Variants in SV2B observed in about 807,000 individuals in gnomAD.
The protein encoded by SV2B is solute carrier family 22 member B2.
A neutral mutation model predicts 73.9 loss-of-function variants in SV2B; 41 were observed. The observed-to-expected ratio is 0.56, with a 90% confidence interval of 0.43 to 0.72. SV2B has a LOEUF of 0.72. SV2B is among the 30% of genes least tolerant of loss of function. The pLI is 0.00. For missense variants in SV2B, 764 were observed against 857.8 expected (o/e 0.89, Z 1.37); for synonymous variants, 314 against 314.2 (o/e 1.00, Z 0.01).
At chr15:91,210,098 C>T (rs192831792) in intron 1 of SV2B, among the ~76,000 whole-genome samples, 1 of 151,850 alleles carries the variant, frequency 6.6e-6, no homozygotes, top group Admixed American at 6.6e-5. Flanking sequence ...CACCCGGGGG[C>T]TGAGTCTATG....
chr15:91,143,337 T>C (rs936101184), intron 1 of SV2B, among the ~76,000 whole-genome samples: 1 of 152,198 alleles, frequency 6.6e-6, no homozygotes, highest in East Asian at 1.9e-4. Flanking sequence ...CCCCAGTTGA[T>C]TGTCATGCAC....
At chr15:91,153,334 C>G (rs1039730980) in intron 1 of SV2B, among the ~76,000 whole-genome samples, 1 of 152,134 alleles carries the variant, frequency 6.6e-6, no homozygotes, top group South Asian at 2.1e-4. Flanking sequence ...CTGGTGCCAG[C>G]GTCACTGTGT....
intron 2 of SV2B, among the ~76,000 whole-genome samples, chr15:91,246,435 C>T (rs1301668636): frequency 5.9e-5 from 9 of 152,052 alleles, no homozygotes; most frequent in Admixed American, 5.9e-4. Context: ...AAATCCACTC[C>T]CCTATATAAT....
intron 1 of SV2B, among the ~76,000 whole-genome samples, chr15:91,205,565 C>G (rs1453216645): frequency 1.3e-5 from 2 of 151,934 alleles, no homozygotes; most frequent in African/African-American, 2.4e-5. Context: ...GGGGTTTCAT[C>G]ATGTTGGCCA....
chr15:91,278,650 G>A (rs1483385488), intron 9 of SV2B, among the ~76,000 whole-genome samples: 4 of 79,140 alleles, frequency 5.1e-5, no homozygotes, highest in East Asian at 4.4e-4. Context: ...CTGCAGTCCG[G>A]CCTGGGCGAC....
At position 91,107,134 on chromosome 15, in the gene SV2B, A is replaced by G. The variant is rs552544487; in HGVS notation, c.-392+6771A>G. On this transcript the variant is annotated intron_variant, in intron 1 of 12. Transcript: ENST00000394232. ...ATGGAGAATGTGCCAGTGGCGGAGAAAAAGAACCAAATCCCAGAAGGAAGT... is the reference window on the plus strand; with the variant it reads ...ATGGAGAATGTGCCAGTGGCGGAGAGAAAGAACCAAATCCCAGAAGGAAGT... Among the ~76,000 whole-genome samples, 16 of 152,034 alleles carry G rather than the reference A, an allele frequency of 1.1e-4. No homozygotes were observed. In the East Asian group the frequency reaches 2.3e-3, roughly 22 times the overall value.
intron 9 of SV2B, among the ~76,000 whole-genome samples, chr15:91,272,832 T>C (rs1055561454): frequency 1.1e-5 from 1 of 88,254 alleles, no homozygotes; most frequent in African/African-American, 6.2e-5. Flanking sequence ...ATTCGTCTTT[T>C]TTTTTTTTTT....
rs567672315 is a variant in SV2B at position 91,129,528 on chromosome 15, G to C, written c.-392+29165G>C. On this transcript the variant is annotated intron_variant, in intron 1 of 12. Transcript: ENST00000394232. The surrounding 1 kb of genome is among the most constrained non-coding windows in gnomAD (Gnocchi z 5.1). ...AGTATGGCCCTAGTGCATGGATGAA[G>C]CTGCAAGGGTGGACAGAACCAAAAC... Among the ~76,000 whole-genome samples, 15 of 152,286 alleles carry C rather than the reference G, an allele frequency of 9.8e-5. No homozygotes were observed. The highest frequency in any genetic ancestry group is 3.6e-4 in the African/African-American group (15 of 41,572).
chr15:91,163,163 T>C (rs1201797176), intron 1 of SV2B, among the ~76,000 whole-genome samples: 1 of 152,240 alleles, frequency 6.6e-6, no homozygotes, highest in East Asian at 1.9e-4. Flanking sequence ...CATTCTATCA[T>C]TGATGGACAT....
rs2049114165 is a variant in SV2B, at chr15:91,293,425, T to C, written c.*873T>C. 6.6e-6 allele frequency: 1 copy of C among 152,186 alleles called. No individual in the cohort carries two copies. The highest frequency in any genetic ancestry group is 1.5e-5 in the Non-Finnish European group (1 of 68,042). The allele number at this position is 152,186 out of a possible 1,614,324, so 9.4% of individuals were successfully genotyped here. ...GCCATTTAACTTTCTGTTGGGAGGA[T>C]GAATTAACAAACTCACATTGTGCAG... On this transcript the variant is annotated 3_prime_UTR_variant, in exon 13 of 13. Transcript: ENST00000394232.
intron 2 of SV2B, among the ~76,000 whole-genome samples, chr15:91,250,240 A>T (rs1051756141): frequency 4.0e-5 from 6 of 151,536 alleles, no homozygotes; most frequent in Non-Finnish European, 5.9e-5. Flanking sequence ...GATACACCAC[A>T]TTAACATAAT....
rs976713260 is a variant in SV2B, at chr15:91,128,275, G to C, written c.-392+27912G>C. Among the ~76,000 whole-genome samples the C allele has an allele frequency of 2.0e-5, 3 of 152,200 alleles. No homozygotes were observed. Among genetic ancestry groups the C allele is most frequent in the African/African-American group, 7.2e-5 (3 of 41,440 alleles). ...TGTTCTCCAAGAAGGTGGGATGGGA[G>C]AGCAGGAGGAGGTGTCAGAATGTAA... On this transcript the variant is annotated intron_variant, in intron 1 of 12. Coordinates refer to ENST00000394232, the MANE Select transcript of SV2B (RefSeq NM_001323032.3). The surrounding 1 kb of genome is among the most constrained non-coding windows in gnomAD (Gnocchi z 4.2).
intron 1 of SV2B, among the ~76,000 whole-genome samples, chr15:91,144,511 C>A (rs983030474): frequency 6.6e-6 from 1 of 152,198 alleles, no homozygotes; most frequent in East Asian, 1.9e-4. Context: ...AAATGACATG[C>A]AATTTTTCCT....
At chr15:91,244,117 A>G (rs1047429731) in intron 2 of SV2B, among the ~76,000 whole-genome samples, 3 of 152,316 alleles carry the variant, frequency 2.0e-5, no homozygotes, top group African/African-American at 4.8e-5. Flanking sequence ...GTTTACTTAT[A>G]CTTTAATAAT....
intron 1 of SV2B, among the ~76,000 whole-genome samples, chr15:91,107,992 A>G (rs2041935844): frequency 6.6e-6 from 1 of 152,058 alleles, no homozygotes. Context: ...TTGTAAGGTG[A>G]TGATGGTGGT....
At chr15:91,203,031 TG>T (rs2045515540) in intron 1 of SV2B, among the ~76,000 whole-genome samples, 2 of 152,306 alleles carry the variant, frequency 1.3e-5, no homozygotes, top group East Asian at 1.9e-4. Context: ...GTAAACTTTT[TG>T]TAAATGCTTA....
At chr15:91,244,668 C>G (rs2047154812) in intron 2 of SV2B, among the ~76,000 whole-genome samples, 1 of 152,120 alleles carries the variant, frequency 6.6e-6, no homozygotes, top group Admixed American at 6.6e-5. Context: ...TTGTGGGATT[C>G]CCATATATGT....
chr15:91,235,695 C>A (rs1567375002), intron 2 of SV2B, among the ~76,000 whole-genome samples: 1 of 152,170 alleles, frequency 6.6e-6, no homozygotes, highest in Non-Finnish European at 1.5e-5. Flanking sequence ...TCAGCTTATT[C>A]CAACATCAGA....
At chr15:91,260,994 G>C (rs1156718047) in intron 6 of SV2B, among the ~76,000 whole-genome samples, 1 of 152,196 alleles carries the variant, frequency 6.6e-6, no homozygotes, top group Non-Finnish European at 1.5e-5. Context: ...TGAGATTTGT[G>C]TGGGAACGCA....
Sources: allele counts gnomAD v4.1 joint callset (sites outside exome capture counted in the v4.1 genomes callset), GRCh38; gene constraint gnomAD v4.1.1; non-coding constraint Gnocchi (gnomAD v3.1); transcripts MANE v1.5; gene names NCBI Gene and HGNC (gene_info 2026-07-23, HGNC 2026-07-21).